Variants in C12orf42 observed in about 807,000 individuals in gnomAD.
The protein encoded by C12orf42 is chromosome 12 open reading frame 42.
C12orf42 carries 25 observed loss-of-function variants against 21.6 expected under a neutral mutation model. The observed-to-expected ratio is 1.16, with a 90% CI of 0.84 to 1.62. The LOEUF (loss-of-function observed/expected upper bound fraction) is 1.62. Among genes scored for constraint, C12orf42 ranks in the 40% most tolerant of loss-of-function variants. The pLI, the probability that C12orf42 is intolerant of heterozygous loss-of-function variation, is 0.00. For missense variants in C12orf42, 483 were observed against 459.3 expected (o/e 1.05, Z -0.47); for synonymous variants, 174 against 175.0 (o/e 0.99, Z 0.05).
At chr12:103,207,412 C>G in the C12orf42 span, among the ~76,000 whole-genome samples, 2 of 152,202 alleles carry the variant, frequency 1.3e-5, no homozygotes, top group African/African-American at 2.4e-5. Flanking sequence ...GCCACGTTGC[C>G]TTCTTTCCTT....
chr12:103,057,017 C>T, the C12orf42 span, among the ~76,000 whole-genome samples: 2 of 151,986 alleles, frequency 1.3e-5, no homozygotes, highest in African/African-American at 4.8e-5. Context: ...GTCATTTTCC[C>T]TTCACTTTGA....
rs1013344630 is a variant in C12orf42, at chr12:103,472,401, C to T, written c.78+5948G>A. Among the ~76,000 whole-genome samples, 9 of 152,254 alleles carry T rather than the reference C, an allele frequency of 5.9e-5. No individual in the cohort carries two copies. In the South Asian group the frequency reaches 6.2e-4, roughly 11 times the overall value. On this transcript the variant is annotated intron_variant, in intron 2 of 5. Coordinates refer to ENST00000548883, the MANE Select transcript of C12orf42 (RefSeq NM_198521.5). Reference sequence around the variant, plus strand: ...AAACAAGCCTTAAAATCTCTATTCACAAATTCTAATATGAGACTATTTAAT... The same window carrying T: ...AAACAAGCCTTAAAATCTCTATTCATAAATTCTAATATGAGACTATTTAAT...
At chr12:103,368,769 T>G in intron 4 of C12orf42, 118 bp downstream of exon 4, 1 of 567,660 alleles carries the variant, frequency 1.8e-6, no homozygotes, top group Non-Finnish European at 3.1e-6. Context: ...CCTCTTTTGT[T>G]GCCATTTTGA....
intron 4 of C12orf42, among the ~76,000 whole-genome samples, chr12:103,316,322 C>T (rs1055574902): frequency 6.6e-6 from 1 of 151,706 alleles, no homozygotes; most frequent in African/African-American, 2.4e-5. Flanking sequence ...AAACAGAAAA[C>T]ACCAACCCAG....
the C12orf42 span, among the ~76,000 whole-genome samples, chr12:103,520,421 G>T: frequency 3.9e-5 from 6 of 152,064 alleles, no homozygotes; most frequent in Non-Finnish European, 7.4e-5. Context: ...AAGTGCAGTG[G>T]CTCATGCCTG....
chr12:103,392,545 C>T (rs540125933), intron 3 of C12orf42, among the ~76,000 whole-genome samples: 6 of 152,136 alleles, frequency 3.9e-5, no homozygotes, highest in Non-Finnish European at 8.8e-5. Context: ...CTTTTGCCTT[C>T]TTGGTTAAAT....
the C12orf42 span, among the ~76,000 whole-genome samples, chr12:103,511,552 T>G: frequency 6.6e-6 from 1 of 152,042 alleles, no homozygotes; most frequent in African/African-American, 2.4e-5. Flanking sequence ...CCTATTCCAC[T>G]GCTCAACTCC....
intron 4 of C12orf42, chr12:103,367,940 G>A (rs529450647): frequency 6.3e-6 from 4 of 635,148 alleles, no homozygotes; most frequent in African/African-American, 1.9e-5. Flanking sequence ...AATTTTATTA[G>A]CATATAAATA....
At chr12:103,427,629 T>C (rs1324504783) in intron 2 of C12orf42, among the ~76,000 whole-genome samples, 1 of 152,192 alleles carries the variant, frequency 6.6e-6, no homozygotes, top group Non-Finnish European at 1.5e-5. Context: ...CAAGTGGACT[T>C]AACAGACATC....
intron 3 of C12orf42, among the ~76,000 whole-genome samples, chr12:103,381,174 A>G (rs1322415662): frequency 6.6e-6 from 1 of 152,228 alleles, no homozygotes; most frequent in African/African-American, 2.4e-5. Context: ...CAACTCCCCA[A>G]CATTGAGCAA....
the C12orf42 span, among the ~76,000 whole-genome samples, chr12:103,506,911 A>AT: frequency 2.1e-5 from 1 of 48,580 alleles, no homozygotes; most frequent in African/African-American, 1.0e-4. Flanking sequence ...TATATTATAT[A>AT]TATATTTATA....
At chr12:103,134,002 T>G in the C12orf42 span, among the ~76,000 whole-genome samples, 1 of 152,208 alleles carries the variant, frequency 6.6e-6, no homozygotes, top group Non-Finnish European at 1.5e-5. Flanking sequence ...CCTCTTTCCT[T>G]TATGAATTAC....
chr12:103,063,366 C>A, the C12orf42 span, among the ~76,000 whole-genome samples: 1 of 152,102 alleles, frequency 6.6e-6, no homozygotes, highest in Non-Finnish European at 1.5e-5. Context: ...ACACCCTCAC[C>A]AGGTGTTTAG....
At chr12:103,068,942 T>C in the C12orf42 span, among the ~76,000 whole-genome samples, 1 of 17,324 alleles carries the variant, frequency 5.8e-5, no homozygotes, top group Admixed American at 4.7e-4. Flanking sequence ...CACATATATA[T>C]ATATATATAT....
the C12orf42 span, among the ~76,000 whole-genome samples, chr12:103,106,908 T>C: frequency 1.3e-5 from 2 of 151,798 alleles, no homozygotes; most frequent in Non-Finnish European, 2.9e-5. Context: ...TCCTGAAATA[T>C]AATAATGAAA....
downstream of C12orf42, among the ~76,000 whole-genome samples, chr12:103,298,815 T>C (rs1226858997): frequency 6.6e-6 from 1 of 152,230 alleles, no homozygotes; most frequent in African/African-American, 2.4e-5. Flanking sequence ...AGTGCTGCCA[T>C]CTTTCATAAA....
the C12orf42 span, among the ~76,000 whole-genome samples, chr12:103,137,194 C>T: frequency 6.6e-6 from 1 of 151,680 alleles, no homozygotes; most frequent in African/African-American, 2.4e-5. Flanking sequence ...TAAATAATAC[C>T]ATTTAAAGTG....
the C12orf42 span, among the ~76,000 whole-genome samples, chr12:103,097,491 T>A: frequency 1.3e-5 from 2 of 152,228 alleles, no homozygotes; most frequent in African/African-American, 4.8e-5. Context: ...AGAAATGTGT[T>A]GAGTTAGTGA....
chr12:103,139,407 G>C, the C12orf42 span, among the ~76,000 whole-genome samples: 1 of 152,008 alleles, frequency 6.6e-6, no homozygotes, highest in Non-Finnish European at 1.5e-5. Flanking sequence ...TTCTTGTTCT[G>C]GATGTTCCAG....
Sources: allele counts gnomAD v4.1 joint callset (sites outside exome capture counted in the v4.1 genomes callset), GRCh38; gene constraint gnomAD v4.1.1; transcripts MANE v1.5; gene names NCBI Gene and HGNC (gene_info 2026-07-23, HGNC 2026-07-21).